Variants in CEP250 observed in about 807,000 individuals in gnomAD.
CEP250 encodes the protein centrosomal protein 250.
Under a neutral mutation model 315.7 loss-of-function variants are expected in CEP250, and 242 were observed. The observed-to-expected ratio is 0.77, with a 90% CI of 0.69 to 0.85. CEP250 has a LOEUF of 0.85. Among genes scored for constraint, CEP250 ranks in the 40% least tolerant of loss-of-function variants. The probability of loss-of-function intolerance (pLI) is 0.00; values close to 1 mark genes in which losing one functional copy is unlikely to be tolerated. For missense variants in CEP250, 2,515 were observed against 2,886.4 expected (o/e 0.87, Z 2.95); for synonymous variants, 1,088 against 1,175.0 (o/e 0.93, Z 1.51).
At chr20:35,480,283 G>T in intron 20 of CEP250, 138 bp downstream of exon 20, 1 of 836,800 alleles carries the variant, frequency 1.2e-6, no homozygotes, top group Non-Finnish European at 1.8e-6. Flanking sequence ...TATTAAATGA[G>T]TTAATATATG....
rs1464043042 is a variant in CEP250, at chr20:35,502,412, C to T, written c.4043C>T (p.Ala1348Val). Residue 1348 changes from alanine (A) to valine (V), a missense_variant, in exon 30 of 35, where the codon GCA becomes GTA. Coordinates refer to ENST00000397527, the MANE Select transcript of CEP250 (RefSeq NM_007186.6). ...EAQGERELLQ[A>V]AKENLTAQVE... ...TAGGGTGAGCGAGAGTTACTTCAGG[C>T]AGCCAAGGAGAACCTGACAGCCCAG... 11 of 1,612,750 alleles carry T rather than the reference C, an allele frequency of 6.8e-6. No homozygotes were observed. The highest frequency in any genetic ancestry group is 6.8e-6 in the Non-Finnish European group (8 of 1,179,440).
intron 24 of CEP250, 27 bp from the exon 25 acceptor site, chr20:35,496,550 C>A: frequency 6.2e-7 from 1 of 1,607,900 alleles, no homozygotes; most frequent in Non-Finnish European, 8.5e-7. Flanking sequence ...AGAGAATGGC[C>A]CAGCACTCTG....
At chr20:35,508,278 C>A in intron 32 of CEP250, 88 bp downstream of exon 32, 2 of 1,353,106 alleles carry the variant, frequency 1.5e-6, no homozygotes, top group Non-Finnish European at 2.1e-6. Flanking sequence ...AGCCTGTGGG[C>A]CAAATCCAGC....
Position 35,482,519 on chromosome 20 carries a change from G to A in CEP250, c.2586+2374G>A, listed in dbSNP as rs375344568. On this transcript the variant is annotated intron_variant, in intron 20 of 34. Transcript: ENST00000397527. ...CTCCCAAAGTGCTGGGATTACAGGC[G>A]TGAGCCACCGTGCCCGGCTATTTAT... is the stretch of plus-strand genomic sequence containing the variant. Among the ~76,000 whole-genome samples the A allele has an allele frequency of 6.8e-4, 103 of 151,886 alleles. No individual in the cohort carries two copies. The South Asian group carries it at 0.016, about 23-fold the overall frequency.
At chr20:35,467,179 G>GGGCCCCCC in intron 8 of CEP250, 107 bp downstream of exon 8, 1 of 534,880 alleles carries the variant, frequency 1.9e-6, no homozygotes, top group Non-Finnish European at 3.5e-6. Context: ...GGTGGGTGGG[G>GGGCCCCCC]GAGTTGGTAG....
chr20:35,476,059 T>C (rs1018819349), intron 15 of CEP250: 1 of 223,176 alleles, frequency 4.5e-6, no homozygotes, highest in African/African-American at 2.3e-5. Context: ...TCCCTTTCTC[T>C]GCACTACTTC....
rs372282864 is a variant in CEP250 at position 35,502,670 on chromosome 20, A to G, written c.4301A>G (p.Glu1434Gly). The change falls in exon 30 of 35, where the codon GAA (glutamate) becomes GGA (glycine). Residue 1434 changes from glutamate (E) to glycine (G), a missense_variant. Glu to Gly is a moderately conservative substitution (Grantham distance 98). Transcript: ENST00000397527. ...CTGACCCAGACCCTAGCTGAAAGAGAAGAGGAGGTGGAGACTCTGCGGGGA... is the reference window on the plus strand; with the variant it reads ...CTGACCCAGACCCTAGCTGAAAGAGGAGAGGAGGTGGAGACTCTGCGGGGA... The part of the protein sequence containing the change: ...ALLTQTLAER[E>G]EEVETLRGQI... 33 of 1,614,264 alleles carry G rather than the reference A, an allele frequency of 2.0e-5. No individual in the cohort carries two copies. In the African/African-American group the frequency reaches 4.1e-4, roughly 20 times the overall value.
In CEP250 at chr20:35,465,830, T is replaced by G; in HGVS notation, c.326+5T>G. Reference sequence around the variant, plus strand: ...ATTGGAGGAGGAGCAACAGAGGTGATGGACCCCAAACTTTCTGACCTGGGT... The same window carrying G: ...ATTGGAGGAGGAGCAACAGAGGTGAGGGACCCCAAACTTTCTGACCTGGGT... On this transcript the variant is annotated splice_donor_5th_base_variant and intron_variant, in intron 6 of 34. Transcript: ENST00000397527. The G allele has an allele frequency of 6.2e-7, 1 of 1,604,012 alleles. No homozygotes were observed. The highest frequency in any genetic ancestry group is 1.7e-5 in the Admixed American group (1 of 58,170).
At position 35,491,321 on chromosome 20, in the gene CEP250, T is replaced by C; in HGVS notation, c.2864T>C (p.Met955Thr). Residue 955 changes from methionine to threonine, a missense_variant, in exon 22 of 35, where the codon ATG becomes ACG. Coordinates refer to ENST00000397527, the MANE Select transcript of CEP250 (RefSeq NM_007186.6). ...SQQLERLRQD[M>T]KVQKLKEQET... Reference sequence around the variant, plus strand: ...CAACTGGAACGACTGAGGCAGGACATGAAAGTCCAGAAATTAAAGGAGCAG... The same window carrying C: ...CAACTGGAACGACTGAGGCAGGACACGAAAGTCCAGAAATTAAAGGAGCAG... 1.3e-6 allele frequency: 2 copies of C among 1,596,828 alleles called. No homozygotes were observed. Among genetic ancestry groups the C allele is most frequent in the Non-Finnish European group, 1.7e-6 (2 of 1,171,350 alleles).
At chr20:35,485,045 T>G (rs780561438) in intron 20 of CEP250, among the ~76,000 whole-genome samples, 1 of 125,060 alleles carries the variant, frequency 8.0e-6, no homozygotes, top group Non-Finnish European at 1.6e-5. Context: ...CTGGGCAACA[T>G]AGCAAGACCC....
chr20:35,486,998 A>G (rs2063531029), intron 20 of CEP250, among the ~76,000 whole-genome samples: 1 of 152,218 alleles, frequency 6.6e-6, no homozygotes, highest in Non-Finnish European at 1.5e-5. Flanking sequence ...TATCTGGGTC[A>G]TGAAAGGGCC....
At chr20:35,510,788 A>T (rs1366097883) in intron 34 of CEP250, among the ~76,000 whole-genome samples, 1 of 152,192 alleles carries the variant, frequency 6.6e-6, no homozygotes, top group Non-Finnish European at 1.5e-5. Flanking sequence ...TGAGGTCAGG[A>T]GTTTGAAACC....
Position 35,472,095 on chromosome 20 carries a change from A to G in CEP250, c.994A>G (p.Arg332Gly). The stretch of plus-strand genomic sequence containing the variant: ...AATGGAACATGAAGCATCTCTTAGT[A>G]GGAATGCGCAAGAGGAGAAGTTGTC... ...ELMEHEASLS[R>G]NAQEEKLSLQ... The change falls in exon 11 of 35, where the codon AGG becomes GGG. Residue 332 changes from arginine to glycine, a missense_variant. Arg to Gly is a moderately radical substitution (Grantham distance 125). Transcript: ENST00000397527. 1 of 1,613,416 alleles carries G rather than the reference A, an allele frequency of 6.2e-7. No individual in the cohort carries two copies. Among genetic ancestry groups the G allele is most frequent in the Non-Finnish European group, 8.5e-7 (1 of 1,179,314 alleles).
Position 35,479,676 on chromosome 20 carries a change from G to A in CEP250, c.2319G>A (p.Leu773=). Residue 773 remains leucine (L), a synonymous_variant, in exon 19 of 35, where the codon CTG becomes CTA. Coordinates refer to ENST00000397527, the MANE Select transcript of CEP250 (RefSeq NM_007186.6). Reference sequence around the variant, plus strand: ...CCAAGGAGCTACTGGAGAGCAGTCTGTTTGAAGCCCAACAACAAAATTCTG... The same window carrying A: ...CCAAGGAGCTACTGGAGAGCAGTCTATTTGAAGCCCAACAACAAAATTCTG... ...SSAKELLESS[L]FEAQQQNSVI... is the part of the protein sequence containing the mutation. The A allele has an allele frequency of 6.2e-7, 1 of 1,614,212 alleles. No individual in the cohort carries two copies. Among genetic ancestry groups the A allele is most frequent in the East Asian group, 2.2e-5 (1 of 44,882 alleles).
At position 35,497,733 on chromosome 20, in the gene CEP250, G is replaced by C; in HGVS notation, c.3321G>C (p.Arg1107Ser). ...TTCCTTGACAGATGGAATTACTAAG[G>C]CAAGAGGTGAAGGAAAAGGAGGCTG... The part of the protein sequence containing the change: ...KELSAQMELL[R>S]QEVKEKEADF... The change falls in exon 26 of 35, where the codon AGG becomes AGC. Residue 1107 changes from arginine to serine, a missense_variant. Physicochemically the swap from Arg to Ser is moderately radical, Grantham distance 110. Coordinates refer to ENST00000397527, the MANE Select transcript of CEP250 (RefSeq NM_007186.6). 6.4e-7 allele frequency: 1 copy of C among 1,553,442 alleles called. No homozygotes were observed.
intron 13 of CEP250, 38 bp downstream of exon 13, chr20:35,473,590 G>A (rs1310275269): frequency 1.3e-6 from 2 of 1,555,140 alleles, no homozygotes; most frequent in African/African-American, 1.4e-5. Flanking sequence ...CTCCCAGCCT[G>A]GTCTCAGTCT....
rs758734140 is a variant in CEP250 at position 35,511,600 on chromosome 20, A to G, written c.7303A>G (p.Ser2435Gly). 3.1e-6 allele frequency: 5 copies of G among 1,612,460 alleles called. No homozygotes were observed. The highest frequency in any genetic ancestry group is 3.4e-6 in the Non-Finnish European group (4 of 1,179,398). ...GCCAGTCCTGCTACACCCCAGCCCCAGCACTACCCAAGCCGCCTCCAGGTA... is the reference window on the plus strand; with the variant it reads ...GCCAGTCCTGCTACACCCCAGCCCCGGCACTACCCAAGCCGCCTCCAGGTA... ...PGPVLLHPSP[S>G]TTQAASR The change falls in exon 35 of 35, where the codon AGC becomes GGC. Residue 2435 changes from serine to glycine, a missense_variant. By Grantham distance (56) the Ser-to-Gly change is moderately conservative (BLOSUM62 0). Transcript: ENST00000397527.
In CEP250 at chr20:35,494,563, TC is replaced by T. The variant is rs1307499465; in HGVS notation, c.3076del (p.Gln1026ArgfsTer12). Reference protein sequence around the residue: ...LKSQLVAQDDSQRLVEQEVQE... With the variant: ...LKSQLVAQDDXQRLVEQEVQE... ...GTCTCAGCTGGTGGCCCAGGATGAC[TC>T]CCAGAGGCTGGTGGAGCAGGAGGTT... On this transcript the variant is annotated frameshift_variant, in exon 24 of 35. Coordinates refer to ENST00000397527, the MANE Select transcript of CEP250 (RefSeq NM_007186.6). LOFTEE classifies it high-confidence loss of function. 6.2e-7 allele frequency: 1 copy of T among 1,613,906 alleles called. No individual in the cohort carries two copies. Among genetic ancestry groups the T allele is most frequent in the East Asian group, 2.2e-5 (1 of 44,896 alleles).
chr20:35,469,553 T>C (rs2062973148), intron 9 of CEP250, among the ~76,000 whole-genome samples: 1 of 152,196 alleles, frequency 6.6e-6, no homozygotes. Flanking sequence ...TCTGATGTTC[T>C]TATTGGCTTC....
Sources: gnomAD v4.1 joint callset for allele counts (sites outside exome capture counted in the v4.1 genomes callset) on GRCh38, gnomAD v4.1.1 for gene constraint, MANE v1.5 for transcripts, NCBI Gene and HGNC (gene_info 2026-07-23, HGNC 2026-07-21) for gene names.